The following CACNB2 variants were observed in gnomAD, a reference collection of about 807,000 sequenced individuals.
CACNB2 encodes the protein voltage-dependent L-type calcium channel subunit beta-2.
In CACNB2, 42 loss-of-function variants were observed where a neutral mutation model predicts 73.3. The ratio of observed to expected loss-of-function variants is 0.57; its 90% confidence interval spans 0.45 to 0.74. The LOEUF (loss-of-function observed/expected upper bound fraction) is 0.74. CACNB2 is among the 30% of genes least tolerant of loss of function. The pLI is 0.00. For synonymous variants in CACNB2, 348 were observed against 310.3 expected, an observed-to-expected ratio of 1.12 and a Z score of -1.28; for missense variants, 940 against 853.0, an observed-to-expected ratio of 1.10 and a Z score of -1.27.
intron 3 of CACNB2, among the ~76,000 whole-genome samples, chr10:18,405,146 G>A (rs2044216128): frequency 6.6e-6 from 1 of 152,148 alleles, no homozygotes; most frequent in Non-Finnish European, 1.5e-5. Flanking sequence ...CATTTAAAGT[G>A]TATAATTCAG....
chr10:18,407,097 C>T (rs2044329531), intron 3 of CACNB2, among the ~76,000 whole-genome samples: 1 of 112,176 alleles, frequency 8.9e-6, no homozygotes, highest in South Asian at 3.6e-4. Context: ...AAGTCCAGAC[C>T]TGCTGTTCTG....
intron 2 of CACNB2, among the ~76,000 whole-genome samples, chr10:18,242,630 C>G (rs1474428104): frequency 1.3e-5 from 2 of 152,050 alleles, no homozygotes; most frequent in African/African-American, 4.8e-5. Flanking sequence ...AATGTGAAAA[C>G]TGATTTCAGA....
At chr10:18,404,483 G>T (rs1589254647) in intron 3 of CACNB2, among the ~76,000 whole-genome samples, 1 of 152,130 alleles carries the variant, frequency 6.6e-6, no homozygotes, top group East Asian at 1.9e-4. Flanking sequence ...AACAATTCAT[G>T]CTATTTAACT....
chr10:18,538,442 T>TCCAA, intron 13 of CACNB2, 77 bp downstream of exon 13: 1 of 1,326,416 alleles, frequency 7.5e-7, no homozygotes, highest in Non-Finnish European at 1.1e-6. Context: ...ACCTCTAGGA[T>TCCAA]CCAAGCCCAG....
At chr10:18,533,963 G>GT (rs1006487093) in intron 10 of CACNB2, 113 bp from the exon 11 acceptor site, 33 of 933,546 alleles carry the variant, frequency 3.5e-5, no homozygotes, top group Non-Finnish European at 5.5e-5. Context: ...TCTATTGCCT[G>GT]TAAGCATTAA....
chr10:18,464,387 G>A lies in CACNB2; in HGVS notation c.334-33968G>A, dbSNP rs112573768. 4.8e-4 allele frequency among the ~76,000 whole-genome samples: 57 copies of A among 119,808 alleles called. 1 individual carries two copies. The highest frequency in any genetic ancestry group is 1.6e-3 in the African/African-American group (51 of 32,748). The allele number at this position is 119,808 out of a possible 152,430, so 78.6% of individuals were successfully genotyped here. A position where few individuals can be genotyped will look rare whatever the true frequency, so the allele number is the denominator to read the frequency against. On this transcript the variant is annotated intron_variant, in intron 3 of 13. Transcript: ENST00000324631. ...TGATCACACCACAGCCTTCCAGCCC[G>A]GGCAACAGAGTGAGACCCTGTCTCA...
At chr10:18,493,563 A>G (rs534657420) in intron 3 of CACNB2, among the ~76,000 whole-genome samples, 117 of 152,260 alleles carry the variant, frequency 7.7e-4, no homozygotes, top group African/African-American at 2.7e-3. Flanking sequence ...TATACACCCA[A>G]TACTAGCCTG....
At position 18,540,234 on chromosome 10, in the gene CACNB2, A is replaced by G. The variant is rs1297369269; in HGVS notation, c.*510A>G. The G allele has an allele frequency of 1.7e-5, 3 of 174,298 alleles. No individual in the cohort carries two copies. Among genetic ancestry groups the G allele is most frequent in the African/African-American group, 7.2e-5 (3 of 41,674 alleles). The allele number at this position is 174,298 out of a possible 1,614,324, so 10.8% of individuals were successfully genotyped here. A position where few individuals can be genotyped will look rare whatever the true frequency, so the allele number is the denominator to read the frequency against. On this transcript the variant is annotated 3_prime_UTR_variant, in exon 14 of 14. Transcript: ENST00000324631. ...AGTCTTGCCTTACACAAAGGGGATC[A>G]TAAAGTTAGAATCTATTTTCTATGT...
chr10:18,189,430 G>T (rs1282050907), intron 2 of CACNB2, among the ~76,000 whole-genome samples: 1 of 151,952 alleles, frequency 6.6e-6, no homozygotes, highest in African/African-American at 2.4e-5. Flanking sequence ...ATTTAAATTG[G>T]GGATATATGT....
intron 2 of CACNB2, among the ~76,000 whole-genome samples, chr10:18,207,823 A>G (rs571919546): frequency 3.9e-5 from 6 of 152,208 alleles, no homozygotes; most frequent in Non-Finnish European, 8.8e-5. Flanking sequence ...TATACTATAT[A>G]TATAGTTTCT....
intron 6 of CACNB2, among the ~76,000 whole-genome samples, chr10:18,510,569 C>T (rs1269737525): frequency 6.6e-6 from 1 of 152,226 alleles, no homozygotes; most frequent in Non-Finnish European, 1.5e-5. Flanking sequence ...TCCCAAACTG[C>T]TGGGATTACA....
intron 2 of CACNB2, among the ~76,000 whole-genome samples, chr10:18,262,290 A>G (rs1308185764): frequency 6.7e-6 from 1 of 149,994 alleles, no homozygotes; most frequent in African/African-American, 2.4e-5. Flanking sequence ...TATGATCTCA[A>G]TAATAAAGTT....
rs1554768681 is a variant in CACNB2 at position 18,199,941 on chromosome 10, C to CTA, written c.213+48967_213+48968insAT. ...AGTTTGCAATGCATTGTATATGAAA[C>CTA]TGTGTGTGTGTGTGTGTGTGTGTGT... On this transcript the variant is annotated intron_variant, in intron 2 of 13. Transcript: ENST00000324631. Among the ~76,000 whole-genome samples, 6 of 136,412 alleles carry CTA rather than the reference C, an allele frequency of 4.4e-5. No homozygotes were observed. In the Admixed American group the frequency reaches 4.5e-4, roughly 10 times the overall value. 89.5% of individuals were successfully genotyped at this position (136,412 alleles called of 152,430 possible). A position where few individuals can be genotyped will look rare whatever the true frequency, so the allele number is the denominator to read the frequency against.
intron 3 of CACNB2, among the ~76,000 whole-genome samples, chr10:18,433,722 C>A (rs530173894): frequency 6.6e-6 from 1 of 151,910 alleles, no homozygotes; most frequent in East Asian, 1.9e-4. Context: ...AAGAGTGGAA[C>A]AAGGAGTCCA....
At chr10:18,244,841 C>T (rs2036799255) in intron 2 of CACNB2, among the ~76,000 whole-genome samples, 1 of 152,162 alleles carries the variant, frequency 6.6e-6, no homozygotes, top group African/African-American at 2.4e-5. Flanking sequence ...GGAAGATTAT[C>T]CTGGATTAGC....
intron 2 of CACNB2, among the ~76,000 whole-genome samples, chr10:18,180,017 C>T (rs748432310): frequency 6.6e-6 from 1 of 152,158 alleles, no homozygotes; most frequent in African/African-American, 2.4e-5. Context: ...TACAGGTCTG[C>T]TTCCTCTGCT....
chr10:18,278,309 A>G (rs912386707), intron 2 of CACNB2, among the ~76,000 whole-genome samples: 2 of 151,836 alleles, frequency 1.3e-5, no homozygotes, highest in Non-Finnish European at 2.9e-5. Context: ...GTGAGACCCT[A>G]TCTCTACCCA....
At chr10:18,379,268 A>G (rs1375962248) in intron 2 of CACNB2, among the ~76,000 whole-genome samples, 1 of 152,086 alleles carries the variant, frequency 6.6e-6, no homozygotes, top group Admixed American at 6.6e-5. Context: ...GCTGGAATGC[A>G]GCGGTGTGAT....
At chr10:18,178,731 C>T (rs1413459830) in intron 2 of CACNB2, among the ~76,000 whole-genome samples, 2 of 152,150 alleles carry the variant, frequency 1.3e-5, no homozygotes, top group African/African-American at 4.8e-5. Flanking sequence ...AGTGTTCCTG[C>T]TTTTGCTACG....
Sources: gnomAD v4.1 joint callset for allele counts (sites outside exome capture counted in the v4.1 genomes callset) on GRCh38, gnomAD v4.1.1 for gene constraint, MANE v1.5 for transcripts, NCBI Gene and HGNC (gene_info 2026-07-23, HGNC 2026-07-21) for gene names.